The following LSAMP variants were observed in gnomAD, a reference collection of about 807,000 sequenced individuals.
The protein encoded by LSAMP is limbic system associated membrane protein, also known as limbic system-associated membrane protein.
In LSAMP, 7 loss-of-function variants were observed where a neutral mutation model predicts 38.6. The observed-to-expected ratio is 0.18, with a 90% confidence interval of 0.10 to 0.34. LSAMP has a LOEUF of 0.34. Among genes scored for constraint, LSAMP ranks in the 10% least tolerant of loss-of-function variants. The pLI is 1.00. For synonymous variants in LSAMP, 154 were observed against 166.8 expected, an observed-to-expected ratio of 0.92 and a Z score of 0.59; for missense variants, 313 against 420.0, an observed-to-expected ratio of 0.75 and a Z score of 2.23.
intron 6 of LSAMP, among the ~76,000 whole-genome samples, chr3:115,826,369 G>C: frequency 6.6e-6 from 1 of 151,962 alleles, no homozygotes; most frequent in Non-Finnish European, 1.5e-5. Context: ...GCCTCCCAAA[G>C]TGCTGGGATT....
intron 2 of LSAMP, among the ~76,000 whole-genome samples, chr3:116,055,193 T>C (rs776229462): frequency 2.0e-5 from 3 of 152,178 alleles, no homozygotes; most frequent in African/African-American, 4.8e-5. Flanking sequence ...TAAAAAGAGA[T>C]TGCCTATGTG....
At chr3:115,890,134 T>G (rs1415602843) in intron 3 of LSAMP, among the ~76,000 whole-genome samples, 1 of 151,960 alleles carries the variant, frequency 6.6e-6, no homozygotes, top group Non-Finnish European at 1.5e-5. Context: ...TCTTTTCAGG[T>G]TGGTTAAAAT....
intron 1 of LSAMP, among the ~76,000 whole-genome samples, chr3:116,419,545 G>A (rs1198138140): frequency 6.6e-6 from 1 of 152,116 alleles, no homozygotes; most frequent in African/African-American, 2.4e-5. Context: ...AGAAAAGTAG[G>A]GCAGAGTGGG....
intron 3 of LSAMP, among the ~76,000 whole-genome samples, chr3:115,869,217 A>G (rs1290331182): frequency 1.3e-5 from 2 of 150,766 alleles, no homozygotes; most frequent in African/African-American, 2.4e-5. Context: ...AGATTAGGTC[A>G]GGAGATCATT....
At chr3:116,087,460 A>G (rs1225331480) in intron 1 of LSAMP, among the ~76,000 whole-genome samples, 1 of 152,194 alleles carries the variant, frequency 6.6e-6, no homozygotes, top group Non-Finnish European at 1.5e-5. Flanking sequence ...GAGTCTTGCA[A>G]TGGAAAAATC....
chr3:116,164,569 C>A (rs1251470750), intron 1 of LSAMP, among the ~76,000 whole-genome samples: 2 of 13,352 alleles, frequency 1.5e-4, no homozygotes, highest in South Asian at 8.9e-3. Flanking sequence ...GGTCACTAAT[C>A]CAAATATATA....
chr3:116,202,150 T>G (rs1269070916), intron 1 of LSAMP, among the ~76,000 whole-genome samples: 2 of 151,968 alleles, frequency 1.3e-5, no homozygotes, highest in Non-Finnish European at 2.9e-5. Context: ...TTTCTTTTTT[T>G]TTTTAGGCAG....
At chr3:116,196,944 T>A (rs1043123622) in intron 1 of LSAMP, among the ~76,000 whole-genome samples, 2 of 152,118 alleles carry the variant, frequency 1.3e-5, no homozygotes, top group African/African-American at 4.8e-5. Context: ...CATTGCTATG[T>A]CTCTCATTCG....
Position 115,909,098 on chromosome 3 carries a change from C to T in LSAMP, c.515-56481G>A, listed in dbSNP as rs186881497. 1.2e-3 allele frequency among the ~76,000 whole-genome samples: 178 copies of T among 152,268 alleles called. 1 individual carries two copies. Among genetic ancestry groups the T allele is most frequent in the African/African-American group, 4.2e-3 (173 of 41,554 alleles). On this transcript the variant is annotated intron_variant, in intron 3 of 6. Transcript: ENST00000490035. Reference sequence around the variant, plus strand: ...ATACTGCCTTCCCTGTCCTAATGCCCGTCCGGTTCAATATCTGTCTAGGGC... The same window carrying T: ...ATACTGCCTTCCCTGTCCTAATGCCTGTCCGGTTCAATATCTGTCTAGGGC...
intron 3 of LSAMP, among the ~76,000 whole-genome samples, chr3:115,928,969 G>GTTTTTTTTTTT (rs1033194537): frequency 1.7e-4 from 9 of 53,576 alleles, no homozygotes; most frequent in African/African-American, 4.0e-4. Context: ...CAGGTTTTTT[G>GTTTTTTTTTTT]TTTGTTTTTT....
chr3:116,198,727 C>A (rs140269492), intron 1 of LSAMP, among the ~76,000 whole-genome samples: 1 of 135,804 alleles, frequency 7.4e-6, no homozygotes, highest in Non-Finnish European at 1.5e-5. Flanking sequence ...GCCTGGATGG[C>A]GCCACTGCAC....
chr3:116,416,097 C>T (rs1333130827), intron 1 of LSAMP, among the ~76,000 whole-genome samples: 2 of 152,082 alleles, frequency 1.3e-5, no homozygotes, highest in Admixed American at 6.5e-5. Context: ...TAGATGAAAA[C>T]TTTATTCTGC....
At chr3:116,260,616 T>G (rs1272877314) in intron 1 of LSAMP, among the ~76,000 whole-genome samples, 1 of 152,144 alleles carries the variant, frequency 6.6e-6, no homozygotes, top group Non-Finnish European at 1.5e-5. Context: ...TTGGACACCT[T>G]CTAAGAGTGC....
At chr3:116,422,135 A>G (rs1226836018) in intron 1 of LSAMP, among the ~76,000 whole-genome samples, 1 of 152,246 alleles carries the variant, frequency 6.6e-6, no homozygotes, top group East Asian at 1.9e-4. Flanking sequence ...TACAATATGC[A>G]TGAATCTCAA....
At chr3:116,204,221 G>A (rs2046031595) in intron 1 of LSAMP, among the ~76,000 whole-genome samples, 1 of 151,288 alleles carries the variant, frequency 6.6e-6, no homozygotes, top group South Asian at 2.1e-4. Flanking sequence ...GTCTGTTCAT[G>A]TCCTTCGCCC....
At chr3:116,158,131 A>G (rs1281499993) in intron 1 of LSAMP, among the ~76,000 whole-genome samples, 10 of 152,214 alleles carry the variant, frequency 6.6e-5, no homozygotes, top group Non-Finnish European at 1.3e-4. Flanking sequence ...AGATACAGAA[A>G]AGGCTTTTGT....
At chr3:116,376,798 C>T (rs1458713925) in intron 1 of LSAMP, among the ~76,000 whole-genome samples, 1 of 151,998 alleles carries the variant, frequency 6.6e-6, no homozygotes, top group African/African-American at 2.4e-5. Context: ...TACTGCCAAA[C>T]TAATCTTTTT....
intron 1 of LSAMP, among the ~76,000 whole-genome samples, chr3:116,173,957 G>C (rs1340920750): frequency 1.3e-5 from 2 of 151,620 alleles, no homozygotes; most frequent in Admixed American, 1.3e-4. Context: ...AACAGCTTTT[G>C]GTCCTCACAT....
At chr3:116,082,379 T>G (rs1042329129) in intron 2 of LSAMP, among the ~76,000 whole-genome samples, 1 of 152,216 alleles carries the variant, frequency 6.6e-6, no homozygotes, top group Non-Finnish European at 1.5e-5. Flanking sequence ...GATTTTTGTG[T>G]GTGTGCATCT....
Sources: gnomAD v4.1 joint callset for allele counts (sites outside exome capture counted in the v4.1 genomes callset) on GRCh38, gnomAD v4.1.1 for gene constraint, MANE v1.5 for transcripts, NCBI Gene and HGNC (gene_info 2026-07-23, HGNC 2026-07-21) for gene names.